Variants in MYBPC1 observed in about 807,000 individuals in gnomAD.
MYBPC1 encodes the protein myosin binding protein C1.
Under a neutral mutation model 147.1 loss-of-function variants are expected in MYBPC1, and 52 were observed. The observed-to-expected ratio is 0.35, with a 90% CI of 0.28 to 0.45. The LOEUF (loss-of-function observed/expected upper bound fraction) is 0.45. Ranked by LOEUF, MYBPC1 falls within the 20% of genes least tolerant of loss-of-function variation. The pLI is 1.00. For missense variants in MYBPC1, 1,228 were observed against 1,440.3 expected, an observed-to-expected ratio of 0.85 and a Z score of 2.39; for synonymous variants, 477 against 475.9, an observed-to-expected ratio of 1.00 and a Z score of -0.03.
rs1747088792 is a variant in MYBPC1, at chr12:101,680,534, G to A, written c.3433+5G>A. 6.2e-7 allele frequency: 1 copy of A among 1,612,976 alleles called. No individual in the cohort carries two copies. The highest frequency in any genetic ancestry group is 8.5e-7 in the Non-Finnish European group (1 of 1,179,070). Reference sequence around the variant, plus strand: ...AATGCAAACTGGAGGTGAAAGGTATGACATCCAATATCTCACGTATAGACT... The same window carrying A: ...AATGCAAACTGGAGGTGAAAGGTATAACATCCAATATCTCACGTATAGACT... On this transcript the variant is annotated splice_donor_5th_base_variant and intron_variant, in intron 29 of 31. Coordinates refer to ENST00000361466, the MANE Select transcript of MYBPC1 (RefSeq NM_002465.4).
At chr12:101,600,410 A>C (rs964228846) in intron 1 of MYBPC1, 4 of 152,174 alleles carry the variant, frequency 2.6e-5, no homozygotes, top group African/African-American at 9.7e-5. Context: ...TCAACTACCC[A>C]GACTGAAGTT....
chr12:101,682,186 C>T (rs1329857565), intron 29 of MYBPC1, among the ~76,000 whole-genome samples: 2 of 151,588 alleles, frequency 1.3e-5, no homozygotes, highest in Non-Finnish European at 2.9e-5. Context: ...GTTTCAATAT[C>T]CCCCCAAAAA....
chr12:101,678,951 G>C (rs1211472224), intron 28 of MYBPC1, among the ~76,000 whole-genome samples: 1 of 152,126 alleles, frequency 6.6e-6, no homozygotes, highest in African/African-American at 2.4e-5. Flanking sequence ...ACTTGGTCAG[G>C]AGTTCGAGAC....
rs533666060 is a variant in MYBPC1 at position 101,662,254 on chromosome 12, T to C, written c.2033-104T>C. On this transcript the variant is annotated intron_variant, in intron 20 of 31. Transcript: ENST00000361466. The stretch of plus-strand genomic sequence containing the variant: ...TACATACATATATGACTATTTCACA[T>C]AGATTGATGACAAAATGCAAAATTT... The C allele has an allele frequency of 9.7e-5, 98 of 1,015,088 alleles. No homozygotes were observed. In the African/African-American group the frequency reaches 1.3e-3, roughly 14 times the overall value. The allele number at this position is 1,015,088 out of a possible 1,614,324, so 62.9% of individuals were successfully genotyped here.
chr12:101,687,083 T>A (rs889144200), downstream of MYBPC1, among the ~76,000 whole-genome samples: 2 of 152,030 alleles, frequency 1.3e-5, no homozygotes, highest in Non-Finnish European at 2.9e-5. Flanking sequence ...ATATATATAT[T>A]TTTATTATAC....
intron 1 of MYBPC1, among the ~76,000 whole-genome samples, chr12:101,600,061 T>TGAC (rs1879236170): frequency 6.9e-6 from 1 of 144,376 alleles, no homozygotes; most frequent in East Asian, 3.2e-4. Flanking sequence ...TAAAAAGACT[T>TGAC]TGGAAAAACA....
At position 101,615,596 on chromosome 12, in the gene MYBPC1, T is replaced by C. The variant is rs191203297; in HGVS notation, c.61+1065T>C. On this transcript the variant is annotated intron_variant, in intron 2 of 31. Coordinates refer to ENST00000361466, the MANE Select transcript of MYBPC1 (RefSeq NM_002465.4). ...GCCAAGTAGAAAATAGAATACAGCCTGGGAAACAATTAAATAAAATGCAGC... is the reference window on the plus strand; with the variant it reads ...GCCAAGTAGAAAATAGAATACAGCCCGGGAAACAATTAAATAAAATGCAGC... 7.0e-3 allele frequency among the ~76,000 whole-genome samples: 1,055 copies of C among 149,762 alleles called. 32 individuals carry two copies. In the South Asian group the frequency reaches 0.1, roughly 14 times the overall value.
chr12:101,673,673 G>A (rs1463409694), intron 25 of MYBPC1, 51 bp downstream of exon 25: 1 of 1,583,736 alleles, frequency 6.3e-7, no homozygotes, highest in Admixed American at 1.7e-5. Flanking sequence ...GTACAGGGAT[G>A]AATTGTCCTT....
intron 1 of MYBPC1, among the ~76,000 whole-genome samples, chr12:101,604,848 A>G (rs538646035): frequency 2.0e-5 from 3 of 152,270 alleles, no homozygotes; most frequent in Non-Finnish European, 2.9e-5. Flanking sequence ...GTCCTTTATT[A>G]TAGACGCCAT....
chr12:101,637,461 T>A (rs1891227727), intron 10 of MYBPC1, among the ~76,000 whole-genome samples: 1 of 152,114 alleles, frequency 6.6e-6, no homozygotes, highest in Non-Finnish European at 1.5e-5. Flanking sequence ...TCCCTATATA[T>A]ATACTATATT....
intron 18 of MYBPC1, among the ~76,000 whole-genome samples, chr12:101,654,012 G>A (rs906926678): frequency 2.0e-5 from 3 of 152,176 alleles, no homozygotes; most frequent in Non-Finnish European, 4.4e-5. Context: ...AGACCAGCCT[G>A]AGCCTGCATG....
rs181455814 is a variant in MYBPC1, at chr12:101,638,880, T to C, written c.665+2152T>C. Among the ~76,000 whole-genome samples, 216 of 152,342 alleles carry C rather than the reference T, an allele frequency of 1.4e-3. 3 individuals carry two copies. The East Asian group carries it at 0.015, about 11-fold the overall frequency. ...TTAATATAAGGCTATGTTATGTTCA[T>C]TTAGTATACTATACTAATCCACTAA... is the stretch of plus-strand genomic sequence containing the variant. On this transcript the variant is annotated intron_variant, in intron 10 of 31. Transcript: ENST00000361466.
At chr12:101,679,065 C>T (rs1263459267) in intron 28 of MYBPC1, among the ~76,000 whole-genome samples, 1 of 150,656 alleles carries the variant, frequency 6.6e-6, no homozygotes, top group Non-Finnish European at 1.5e-5. Flanking sequence ...AGGAGAATTG[C>T]ATGAACCTGG....
At position 101,685,827 on chromosome 12, in the gene MYBPC1, A is replaced by AAG; in HGVS notation, c.*265_*266insAG. 1.6e-6 allele frequency: 1 copy of AAG among 611,124 alleles called. No homozygotes were observed. The highest frequency in any genetic ancestry group is 3.2e-5 in the East Asian group (1 of 31,186). The allele number at this position is 611,124 out of a possible 1,614,324, so 37.9% of individuals were successfully genotyped here. On this transcript the variant is annotated 3_prime_UTR_variant, in exon 32 of 32. Transcript: ENST00000361466. The stretch of plus-strand genomic sequence containing the variant: ...TGTTGAAGAGAAAAAAAAAAAAAAA[A>AAG]GTTTGCCCAGATTGCTTAATTAAAA...
chr12:101,614,844 G>C (rs1885463582), intron 2 of MYBPC1: 2 of 427,600 alleles, frequency 4.7e-6, no homozygotes, highest in Non-Finnish European at 8.6e-6. Flanking sequence ...TCCATCCAAG[G>C]GGCTGAAGAA....
At chr12:101,650,571 G>C (rs372316299) in intron 15 of MYBPC1, among the ~76,000 whole-genome samples, 1 of 152,104 alleles carries the variant, frequency 6.6e-6, no homozygotes, top group African/African-American at 2.4e-5. Flanking sequence ...GCAGCAGGGG[G>C]GTAACCGCCC....
chr12:101,614,791 TA>T lies in MYBPC1; in HGVS notation c.61+264del, dbSNP rs1214788688. On this transcript the variant is annotated intron_variant, in intron 2 of 31. Transcript: ENST00000361466. ...TTCTTATGAAACCTTTCAAATTATG[TA>T]AAAGTTATTATGTCCGCATTTTACA... 2.0e-5 allele frequency: 11 copies of T among 546,602 alleles called. No homozygotes were observed. In the East Asian group the frequency reaches 3.5e-4, roughly 17 times the overall value. The allele number at this position is 546,602 out of a possible 1,614,324, so 33.9% of individuals were successfully genotyped here. A position where few individuals can be genotyped will look rare whatever the true frequency, so the allele number is the denominator to read the frequency against.
chr12:101,679,612 C>T (rs895052410), intron 28 of MYBPC1, among the ~76,000 whole-genome samples: 1 of 152,142 alleles, frequency 6.6e-6, no homozygotes, highest in Non-Finnish European at 1.5e-5. Context: ...AAGTCATCTT[C>T]CTGGGCAATT....
intron 1 of MYBPC1, among the ~76,000 whole-genome samples, chr12:101,604,554 T>C (rs1052648261): frequency 6.6e-6 from 1 of 152,234 alleles, no homozygotes; most frequent in East Asian, 1.9e-4. Context: ...TCCACCAGTT[T>C]GAATAGAAAC....
Sources: gnomAD v4.1 joint callset for allele counts (sites outside exome capture counted in the v4.1 genomes callset) on GRCh38, gnomAD v4.1.1 for gene constraint, MANE v1.5 for transcripts, NCBI Gene and HGNC (gene_info 2026-07-23, HGNC 2026-07-21) for gene names.